The following CPA3 variants were observed in gnomAD, a reference collection of about 807,000 sequenced individuals.
CPA3 encodes carboxypeptidase A3, also known as mast cell carboxypeptidase A.
In CPA3, 52 loss-of-function variants were observed where a neutral mutation model predicts 55.8. The ratio of observed to expected loss-of-function variants is 0.93; its 90% CI spans 0.75 to 1.17. CPA3 has a LOEUF of 1.17. Ranked by LOEUF, CPA3 falls within the 50% of genes most tolerant of loss-of-function variation. The pLI is 0.00. For synonymous variants in CPA3, 179 were observed against 171.2 expected, an observed-to-expected ratio of 1.05 and a Z score of -0.36; for missense variants, 547 against 509.1, an observed-to-expected ratio of 1.07 and a Z score of -0.72.
At chr3:148,867,176 C>A (rs1019206969) in intron 2 of CPA3, among the ~76,000 whole-genome samples, 2 of 152,196 alleles carry the variant, frequency 1.3e-5, no homozygotes, top group Non-Finnish European at 2.9e-5. Context: ...CCCATAAACA[C>A]CAAAATCTCA....
intron 10 of CPA3, among the ~76,000 whole-genome samples, chr3:148,892,191 C>T (rs1460483026): frequency 6.6e-6 from 1 of 152,126 alleles, no homozygotes; most frequent in East Asian, 1.9e-4. Flanking sequence ...GATACTTCCT[C>T]AGGTTCTCTC....
At chr3:148,882,010 A>C (rs1338302519) in intron 7 of CPA3, among the ~76,000 whole-genome samples, 1 of 152,212 alleles carries the variant, frequency 6.6e-6, no homozygotes, top group African/African-American at 2.4e-5. Context: ...TATCAAAAAA[A>C]ATAAAAGAGA....
At chr3:148,869,475 T>C (rs957785780) in intron 3 of CPA3, among the ~76,000 whole-genome samples, 5 of 152,020 alleles carry the variant, frequency 3.3e-5, no homozygotes, top group African/African-American at 9.7e-5. Context: ...AAAAAAGTCA[T>C]TGGTATGTCA....
Position 148,896,653 on chromosome 3 carries a change from G to T in CPA3, c.1200G>T (p.Glu400Asp), listed in dbSNP as rs61733453. 2 of 1,572,310 alleles carry T rather than the reference G, an allele frequency of 1.3e-6. No individual in the cohort carries two copies. The highest frequency in any genetic ancestry group is 2.7e-5 in the African/African-American group (2 of 74,424). Residue 400 changes from glutamate to aspartate, a missense_variant, in exon 11 of 11, where the codon GAG becomes GAT. Glu to Asp is a conservative substitution (Grantham distance 45). Transcript: ENST00000296046. Reference sequence around the variant, plus strand: ...CCCGGATAAAGCCAACGTGCAGAGAGACCATGCTAGCTGTCAAATTTATTG... The same window carrying T: ...CCCGGATAAAGCCAACGTGCAGAGATACCATGCTAGCTGTCAAATTTATTG... ...PESRIKPTCR[E>D]TMLAVKFIAK... is the part of the protein sequence containing the mutation.
rs1277682786 is a variant in CPA3 at position 148,897,032 on chromosome 3, G to C, written c.*325G>C. The C allele has an allele frequency of 5.1e-6, 1 of 196,540 alleles. No individual in the cohort carries two copies. The highest frequency in any genetic ancestry group is 1.0e-5 in the Non-Finnish European group (1 of 97,324). 12.2% of individuals were successfully genotyped at this position (196,540 alleles called of 1,614,324 possible). A position where few individuals can be genotyped will look rare whatever the true frequency, so the allele number is the denominator to read the frequency against. On this transcript the variant is annotated 3_prime_UTR_variant, in exon 11 of 11. Transcript: ENST00000296046. ...GTTTCTCACAGATTTTCACCATGTG[G>C]CTTCATCAATTTATGTGCTAATACA...
intron 9 of CPA3, among the ~76,000 whole-genome samples, chr3:148,884,447 G>T (rs567200622): frequency 6.6e-6 from 1 of 152,272 alleles, no homozygotes; most frequent in East Asian, 1.9e-4. Flanking sequence ...TGCATAGAGG[G>T]ATAAATATTT....
Position 148,894,962 on chromosome 3 carries a change from C to T in CPA3, c.1067-1558C>T, listed in dbSNP as rs181661124. On this transcript the variant is annotated intron_variant, in intron 10 of 10. Coordinates refer to ENST00000296046, the MANE Select transcript of CPA3 (RefSeq NM_001870.4). ...TTTAACAGTATGTTTTTTCCAGCTACCCAGATTGAAACATCAATCATTTTT... is the reference window on the plus strand; with the variant it reads ...TTTAACAGTATGTTTTTTCCAGCTATCCAGATTGAAACATCAATCATTTTT... Among the ~76,000 whole-genome samples, 6 of 152,278 alleles carry T rather than the reference C, an allele frequency of 3.9e-5. No individual in the cohort carries two copies. In the East Asian group the frequency reaches 9.6e-4, roughly 24 times the overall value.
chr3:148,877,803 A>G (rs572788703), intron 3 of CPA3, among the ~76,000 whole-genome samples: 40 of 152,134 alleles, frequency 2.6e-4, no homozygotes, highest in Non-Finnish European at 4.3e-4. Context: ...TACTATTATA[A>G]TTATCATTAT....
chr3:148,875,162 C>T (rs1348887342), intron 3 of CPA3, among the ~76,000 whole-genome samples: 1 of 152,096 alleles, frequency 6.6e-6, no homozygotes, highest in Non-Finnish European at 1.5e-5. Flanking sequence ...GGAAAGAGTA[C>T]ATGATATTGT....
intron 8 of CPA3, 125 bp downstream of exon 8, chr3:148,882,720 T>C: frequency 1.4e-6 from 1 of 717,888 alleles, no homozygotes. Context: ...CTTTTGTATC[T>C]ATAACATGAA....
At chr3:148,881,348 G>GT (rs966243362) in intron 6 of CPA3, 174 bp from the exon 7 acceptor site, 3 of 488,128 alleles carry the variant, frequency 6.1e-6, no homozygotes, top group African/African-American at 3.9e-5. Context: ...AATAAGTTAG[G>GT]TTTTTTTCCC....
chr3:148,889,775 C>T (rs1714619519), intron 10 of CPA3, among the ~76,000 whole-genome samples: 1 of 146,492 alleles, frequency 6.8e-6, no homozygotes, highest in Non-Finnish European at 1.5e-5. Flanking sequence ...AAGGCTGAGG[C>T]AGGAGAATCA....
rs80078866 is a variant in CPA3, at chr3:148,891,046, A to G, written c.1066+4869A>G. On this transcript the variant is annotated intron_variant, in intron 10 of 10. Coordinates refer to ENST00000296046, the MANE Select transcript of CPA3 (RefSeq NM_001870.4). ...ATGATTAACAACATGAACTCTGAAG[A>G]CACCACCTGGGCTTGAATCCTGATT... 6.5e-3 allele frequency among the ~76,000 whole-genome samples: 988 copies of G among 152,282 alleles called. 62 individuals carry two copies. The East Asian group carries it at 0.14, about 21-fold the overall frequency.
At chr3:148,884,920 T>C (rs1714487029) in intron 9 of CPA3, among the ~76,000 whole-genome samples, 1 of 151,796 alleles carries the variant, frequency 6.6e-6, no homozygotes, top group South Asian at 2.1e-4. Context: ...AGCAACTAAA[T>C]TGATTAAGAA....
intron 3 of CPA3, among the ~76,000 whole-genome samples, chr3:148,869,336 G>A (rs1202479097): frequency 6.6e-6 from 1 of 152,062 alleles, no homozygotes; most frequent in Non-Finnish European, 1.5e-5. Flanking sequence ...GAGCCCACAT[G>A]AGCAGGCATG....
intron 3 of CPA3, 129 bp downstream of exon 3, chr3:148,869,168 A>G: frequency 9.6e-7 from 1 of 1,040,120 alleles, no homozygotes; most frequent in Non-Finnish European, 1.4e-6. Flanking sequence ...TCTGTAAGAT[A>G]CAGATCACAG....
At position 148,883,710 on chromosome 3, in the gene CPA3, C is replaced by G. The variant is rs1156584064; in HGVS notation, c.876C>G (p.Ser292Arg). The change falls in exon 9 of 11, where the codon AGC becomes AGG. Residue 292 changes from serine to arginine, a missense_variant. By Grantham distance (110) the Ser-to-Arg change is moderately radical. Transcript: ENST00000296046. Reference sequence around the variant, plus strand: ...AAGCTGTCACTAATTTCATTAGAAGCCACCTGAATGAAATCAAGGTTTACA... The same window carrying G: ...AAGCTGTCACTAATTTCATTAGAAGGCACCTGAATGAAATCAAGGTTTACA... ...ETKAVTNFIR[S>R]HLNEIKVYIT... is the part of the protein sequence containing the mutation. 1.9e-6 allele frequency: 3 copies of G among 1,613,686 alleles called. No homozygotes were observed. Among genetic ancestry groups the G allele is most frequent in the Non-Finnish European group, 2.5e-6 (3 of 1,179,626 alleles).
intron 3 of CPA3, among the ~76,000 whole-genome samples, chr3:148,871,088 G>A (rs1714054402): frequency 6.6e-6 from 1 of 151,996 alleles, no homozygotes; most frequent in African/African-American, 2.4e-5. Flanking sequence ...TAGTAAAGAC[G>A]GGGTTTCACC....
At chr3:148,894,970 G>A (rs918394792) in intron 10 of CPA3, among the ~76,000 whole-genome samples, 17 of 152,108 alleles carry the variant, frequency 1.1e-4, no homozygotes, top group African/African-American at 4.1e-4. Flanking sequence ...TACCCAGATT[G>A]AAACATCAAT....
Sources: gnomAD v4.1 joint callset for allele counts (sites outside exome capture counted in the v4.1 genomes callset) on GRCh38, gnomAD v4.1.1 for gene constraint, MANE v1.5 for transcripts, NCBI Gene and HGNC (gene_info 2026-07-23, HGNC 2026-07-21) for gene names.